Variants in HDAC9 observed in about 807,000 individuals in gnomAD.
The protein encoded by HDAC9 is MEF-2 interacting transcription repressor (MITR) protein.
In HDAC9, 41 loss-of-function variants were observed where a neutral mutation model predicts 139.4. That is an observed-to-expected ratio of 0.29 (90% CI 0.23 to 0.38). The LOEUF is 0.38. Among genes scored for constraint, HDAC9 ranks in the 10% least tolerant of loss-of-function variants. The pLI is 1.00. For missense variants in HDAC9, 1,147 were observed against 1,297.0 expected (o/e 0.88, Z 1.78); for synonymous variants, 517 against 476.2 (o/e 1.09, Z -1.12).
intron 2 of HDAC9, among the ~76,000 whole-genome samples, chr7:18,516,815 C>T (rs983392281): frequency 7.1e-6 from 1 of 140,608 alleles, no homozygotes; most frequent in African/African-American, 2.7e-5. Context: ...AAGCCGAGAT[C>T]GTGCCATTGC....
chr7:18,297,985 A>C (rs898850972), intron 1 of HDAC9, among the ~76,000 whole-genome samples: 1 of 152,158 alleles, frequency 6.6e-6, no homozygotes, highest in Admixed American at 6.5e-5. Context: ...TAAATGTTAC[A>C]GCTCTAAATT....
At position 18,874,614 on chromosome 7, in the gene HDAC9, G is replaced by A; in HGVS notation, c.2803+18G>A. The stretch of plus-strand genomic sequence containing the variant: ...GGCAAAATGTAAGTACCTCTTTCAG[G>A]ACTTTACGAAAGGCTCTGATATCAT... On this transcript the variant is annotated intron_variant, in intron 22 of 25. Transcript: ENST00000686413. The A allele has an allele frequency of 6.9e-7, 1 of 1,438,910 alleles. No individual in the cohort carries two copies. The highest frequency in any genetic ancestry group is 9.6e-7 in the Non-Finnish European group (1 of 1,039,512). The allele number at this position is 1,438,910 out of a possible 1,614,324, so 89.1% of individuals were successfully genotyped here.
intron 2 of HDAC9, among the ~76,000 whole-genome samples, chr7:18,553,064 CTAAG>C (rs1425932519): frequency 6.6e-6 from 1 of 152,126 alleles, no homozygotes; most frequent in East Asian, 1.9e-4. Flanking sequence ...AATAGCTATC[CTAAG>C]TAAGTTATCC....
rs562272949 is a variant in HDAC9 at position 18,756,877 on chromosome 7, CT to C, written c.2044-5267del. Among the ~76,000 whole-genome samples, 1,123 of 144,394 alleles carry C rather than the reference CT, an allele frequency of 7.8e-3. 13 individuals carry two copies. The highest frequency in any genetic ancestry group is 0.02 in the African/African-American group (795 of 39,726). 94.7% of individuals were successfully genotyped at this position (144,394 alleles called of 152,430 possible). The stretch of plus-strand genomic sequence containing the variant: ...CTCCTTCCTTCTTTCACTCCCCAAC[CT>C]TTTTTTTTTTTTATGAGAAAAACTC... On this transcript the variant is annotated intron_variant, in intron 14 of 25. Coordinates refer to ENST00000686413, the MANE Select transcript of HDAC9 (RefSeq NM_178425.4).
chr7:18,869,421 C>T (rs1016865919), intron 21 of HDAC9, among the ~76,000 whole-genome samples: 5 of 152,018 alleles, frequency 3.3e-5, no homozygotes, highest in Non-Finnish European at 7.4e-5. Flanking sequence ...CTCTCTTCCT[C>T]CTACTCTGCC....
At chr7:18,478,093 A>G (rs940171223) in intron 1 of HDAC9, among the ~76,000 whole-genome samples, 6 of 150,798 alleles carry the variant, frequency 4.0e-5, no homozygotes, top group Non-Finnish European at 8.9e-5. Flanking sequence ...TTTTTTTGAG[A>G]TGGAGTCTTG....
chr7:18,921,429 A>G (rs1413682614), intron 22 of HDAC9, among the ~76,000 whole-genome samples: 1 of 152,226 alleles, frequency 6.6e-6, no homozygotes, highest in Non-Finnish European at 1.5e-5. Context: ...ATATGAACAG[A>G]CACTTCTCAA....
At chr7:18,552,336 G>A (rs924093043) in intron 2 of HDAC9, among the ~76,000 whole-genome samples, 26 of 151,516 alleles carry the variant, frequency 1.7e-4, no homozygotes, top group African/African-American at 5.6e-4. Flanking sequence ...CATTTTTTTG[G>A]TGTGTATTTA....
intron 21 of HDAC9, among the ~76,000 whole-genome samples, chr7:18,851,217 C>T (rs1184988365): frequency 6.6e-6 from 1 of 152,160 alleles, no homozygotes; most frequent in Non-Finnish European, 1.5e-5. Flanking sequence ...TACGGTTTGG[C>T]TCTGAGTCCC....
intron 23 of HDAC9, chr7:18,948,847 TAG>T (rs1395393010): frequency 4.8e-5 from 9 of 187,036 alleles, no homozygotes; most frequent in Admixed American, 4.1e-4. Context: ...TATCAAATGA[TAG>T]AGAAATGAAA....
intron 1 of HDAC9, among the ~76,000 whole-genome samples, chr7:18,476,121 C>T (rs1052976573): frequency 1.3e-5 from 2 of 152,052 alleles, no homozygotes; most frequent in African/African-American, 2.4e-5. Context: ...TCAATTTTTA[C>T]ATTTTGTTTT....
chr7:18,222,689 G>A (rs978436997), intron 2 of HDAC9, among the ~76,000 whole-genome samples: 6 of 152,158 alleles, frequency 3.9e-5, no homozygotes, highest in South Asian at 4.2e-4. Flanking sequence ...CATTTTAAAT[G>A]GGATTGATTG....
chr7:18,757,272 A>G (rs1309360605), intron 14 of HDAC9, among the ~76,000 whole-genome samples: 1 of 152,106 alleles, frequency 6.6e-6, no homozygotes, highest in East Asian at 1.9e-4. Context: ...ACATCCCTTT[A>G]TTTAGAGACA....
intron 2 of HDAC9, among the ~76,000 whole-genome samples, chr7:18,182,212 A>G (rs1789497159): frequency 6.6e-6 from 1 of 152,148 alleles, no homozygotes; most frequent in Admixed American, 6.5e-5. Context: ...GGTCATTGTG[A>G]AGGTATATTT....
intron 12 of HDAC9, among the ~76,000 whole-genome samples, chr7:18,724,724 T>C (rs903971167): frequency 2.0e-5 from 3 of 152,184 alleles, no homozygotes; most frequent in African/African-American, 7.2e-5. Flanking sequence ...GGTCTATCCT[T>C]GACCAAAATG....
At chr7:18,230,155 T>A (rs1197208113) in intron 2 of HDAC9, among the ~76,000 whole-genome samples, 1 of 152,156 alleles carries the variant, frequency 6.6e-6, no homozygotes, top group Admixed American at 6.6e-5. Flanking sequence ...AGTACTATAC[T>A]TTTTCTGCCA....
intron 2 of HDAC9, among the ~76,000 whole-genome samples, chr7:18,256,840 C>A (rs1795277920): frequency 6.6e-6 from 1 of 152,042 alleles, no homozygotes; most frequent in African/African-American, 2.4e-5. Context: ...GTAATCCCAG[C>A]ACTTTGGGAG....
At chr7:18,225,928 C>T (rs920569478) in intron 2 of HDAC9, among the ~76,000 whole-genome samples, 3 of 151,894 alleles carry the variant, frequency 2.0e-5, no homozygotes, top group African/African-American at 7.3e-5. Flanking sequence ...CTGTTATGCT[C>T]AATAAAAATT....
chr7:18,178,329 C>T (rs1423095216), intron 2 of HDAC9, among the ~76,000 whole-genome samples: 2 of 152,228 alleles, frequency 1.3e-5, no homozygotes, highest in African/African-American at 4.8e-5. Context: ...AGGCAATCTG[C>T]ATGCCTTGGG....
Sources: allele counts gnomAD v4.1 joint callset (sites outside exome capture counted in the v4.1 genomes callset), GRCh38; gene constraint gnomAD v4.1.1; transcripts MANE v1.5; gene names NCBI Gene and HGNC (gene_info 2026-07-23, HGNC 2026-07-21).